TG: variants seen among roughly 807,000 people sequenced by gnomAD.
TG encodes thyroglobulin.
TG carries 270 observed loss-of-function variants against 324.7 expected under a neutral mutation model. The observed-to-expected ratio is 0.83, with a 90% CI of 0.75 to 0.92. TG has a LOEUF of 0.92. TG is among the 40% of genes least tolerant of loss of function. The pLI is 0.00. For synonymous variants in TG, 1,401 were observed against 1,327.0 expected, an observed-to-expected ratio of 1.06 and a Z score of -1.21; for missense variants, 3,591 against 3,456.4, an observed-to-expected ratio of 1.04 and a Z score of -0.98.
chr8:133,044,093 C>T (rs986817869), intron 41 of TG, among the ~76,000 whole-genome samples: 14 of 151,788 alleles, frequency 9.2e-5, no homozygotes, highest in African/African-American at 3.4e-4. Flanking sequence ...AAGTGAGACA[C>T]AAACAGCCAA....
At position 132,886,918 on chromosome 8, in the gene TG, G is replaced by A; in HGVS notation, c.1546G>A (p.Glu516Lys). 6.2e-7 allele frequency: 1 copy of A among 1,614,122 alleles called. No individual in the cohort carries two copies. Among genetic ancestry groups the A allele is most frequent in the Non-Finnish European group, 8.5e-7 (1 of 1,180,030 alleles). ...LASFLNGGRQ[E>K]DLAKPLSVGL... ...AAGCTTCTTGAATGGAGGGAGACAA[G>A]AAGATTTGGCCAAGCCACTCTCTGT... The change falls in exon 9 of 48, where the codon GAA becomes AAA. Residue 516 changes from glutamate to lysine, a missense_variant. By Grantham distance (56) the Glu-to-Lys change is moderately conservative (BLOSUM62 1). Transcript: ENST00000220616.
Position 132,900,261 on chromosome 8 carries a change from G to T in TG, c.3355G>T (p.Ala1119Ser). The change falls in exon 15 of 48, where the codon GCA becomes TCA. Residue 1119 changes from alanine (A) to serine (S), a missense_variant. Transcript: ENST00000220616. ...GACAGGAGAGTATGCCAGGCTGCAG[G>T]CATCGGGGGCTGGCACCTGGTGTGT... ...LETGEYARLQ[A>S]SGAGTWCVDP... 1 of 1,614,018 alleles carries T rather than the reference G, an allele frequency of 6.2e-7. No homozygotes were observed. The highest frequency in any genetic ancestry group is 8.5e-7 in the Non-Finnish European group (1 of 1,179,988).
At chr8:132,955,494 T>C (rs936736020) in intron 27 of TG, among the ~76,000 whole-genome samples, 6 of 152,236 alleles carry the variant, frequency 3.9e-5, no homozygotes, top group Non-Finnish European at 8.8e-5. Flanking sequence ...TCTAGGGCTA[T>C]TGGGCTCAGG....
intron 43 of TG, among the ~76,000 whole-genome samples, chr8:133,103,774 G>A (rs1210872722): frequency 6.6e-6 from 1 of 152,184 alleles, no homozygotes; most frequent in Non-Finnish European, 1.5e-5. Context: ...AACCCATGCA[G>A]CATCTCTCCA....
In TG at chr8:132,905,762, AG is replaced by A. The variant is rs1818582468; in HGVS notation, c.3635-924del. On this transcript the variant is annotated intron_variant, in intron 16 of 47. Transcript: ENST00000220616. ...GAGGTTCTAACAATTGACAAAAGGA[AG>A]GTCTGTACCTGGTGGCCTGGGAATT... 2.6e-5 allele frequency among the ~76,000 whole-genome samples: 4 copies of A among 152,170 alleles called. No individual in the cohort carries two copies. The South Asian group carries it at 8.3e-4, about 32-fold the overall frequency.
At chr8:132,918,496 C>T (rs1314591494) in intron 20 of TG, among the ~76,000 whole-genome samples, 3 of 152,118 alleles carry the variant, frequency 2.0e-5, no homozygotes, top group African/African-American at 4.8e-5. Flanking sequence ...AGATGTGGCT[C>T]GAGTTTCTAA....
intron 1 of TG, among the ~76,000 whole-genome samples, chr8:132,867,285 G>A (rs993885080): frequency 2.0e-5 from 3 of 152,138 alleles, no homozygotes; most frequent in African/African-American, 7.2e-5. Context: ...GCAGAAATGG[G>A]AAATGTGGTT....
At chr8:133,045,122 G>C in intron 41 of TG, 1 of 1,614,062 alleles carries the variant, frequency 6.2e-7, no homozygotes. Flanking sequence ...AACCCTGCAG[G>C]AGGTGGAGGA....
intron 35 of TG, among the ~76,000 whole-genome samples, chr8:132,990,649 T>C (rs1054214807): frequency 1.3e-5 from 2 of 152,188 alleles, no homozygotes; most frequent in African/African-American, 4.8e-5. Flanking sequence ...ATTCATGGAA[T>C]GACTGAATAT....
chr8:132,957,277 G>A (rs1323530057), intron 27 of TG, among the ~76,000 whole-genome samples: 1 of 152,094 alleles, frequency 6.6e-6, no homozygotes, highest in Admixed American at 6.5e-5. Flanking sequence ...AATTCCATTG[G>A]ATTAAATTGT....
intron 43 of TG, among the ~76,000 whole-genome samples, chr8:133,100,179 C>T (rs118075048): frequency 0.04 from 6,137 of 152,258 alleles, 283 homozygotes; most frequent in Admixed American, 0.14. Context: ...GGTCCTGGTA[C>T]TTGCTGTTTT....
chr8:133,118,221 T>C (rs1237527153), intron 45 of TG, among the ~76,000 whole-genome samples: 3 of 151,864 alleles, frequency 2.0e-5, no homozygotes, highest in African/African-American at 7.3e-5. Context: ...TCCCCAATAA[T>C]GCTCTCCAGG....
chr8:133,084,691 C>T (rs1360755423), intron 41 of TG, among the ~76,000 whole-genome samples: 1 of 152,218 alleles, frequency 6.6e-6, no homozygotes, highest in African/African-American at 2.4e-5. Flanking sequence ...GAGACAAAGC[C>T]AAGGCTCAGG....
chr8:132,966,420 A>G, intron 29 of TG, 140 bp from the exon 30 acceptor site: 2 of 1,121,810 alleles, frequency 1.8e-6, no homozygotes, highest in South Asian at 2.8e-5. Flanking sequence ...CAGCATAAAA[A>G]TGTCTCTGTC....
intron 41 of TG, chr8:133,060,244 G>T: frequency 6.2e-7 from 1 of 1,612,320 alleles, no homozygotes; most frequent in Non-Finnish European, 8.5e-7. Flanking sequence ...CGTGCCCTGA[G>T]CCCTCCAAGT....
chr8:132,913,845 A>G (rs576537412), intron 20 of TG, among the ~76,000 whole-genome samples: 32 of 152,276 alleles, frequency 2.1e-4, no homozygotes, highest in African/African-American at 7.2e-4. Context: ...TTACATTTCT[A>G]TAGGTTTGGA....
intron 20 of TG, among the ~76,000 whole-genome samples, chr8:132,917,029 C>T (rs1820404780): frequency 5.4e-5 from 4 of 73,916 alleles, no homozygotes; most frequent in Admixed American, 1.6e-4. Flanking sequence ...CTCCATGCCT[C>T]CCTCCCTCCC....
chr8:132,915,634 G>A (rs780130077), intron 20 of TG, among the ~76,000 whole-genome samples: 2 of 152,322 alleles, frequency 1.3e-5, no homozygotes, highest in South Asian at 4.1e-4. Flanking sequence ...GCCAGATGGC[G>A]ATGTTTTAGA....
At chr8:133,132,460 C>T (rs1249360162) in intron 46 of TG, among the ~76,000 whole-genome samples, 1 of 152,220 alleles carries the variant, frequency 6.6e-6, no homozygotes, top group Admixed American at 6.5e-5. Flanking sequence ...CTCCTTTATT[C>T]ACCTTGAGGC....
Sources: gnomAD v4.1 joint callset for allele counts (sites outside exome capture counted in the v4.1 genomes callset) on GRCh38, gnomAD v4.1.1 for gene constraint, MANE v1.5 for transcripts, NCBI Gene and HGNC (gene_info 2026-07-23, HGNC 2026-07-21) for gene names.